Variants in KIFAP3 observed in about 807,000 individuals in gnomAD.
The protein encoded by KIFAP3 is kinesin associated protein 3.
In KIFAP3, 68 loss-of-function variants were observed where a neutral mutation model predicts 106.5. The observed-to-expected ratio is 0.64, with a 90% CI of 0.53 to 0.78. The LOEUF (loss-of-function observed/expected upper bound fraction) is 0.78. Ranked by LOEUF, KIFAP3 falls within the 30% of genes least tolerant of loss-of-function variation. The pLI is 0.00. For synonymous variants in KIFAP3, 320 were observed against 311.5 expected (o/e 1.03, Z -0.29); for missense variants, 780 against 941.8 (o/e 0.83, Z 2.25).
At chr1:170,041,128 T>G (rs545619980) in intron 3 of KIFAP3, among the ~76,000 whole-genome samples, 101 of 152,326 alleles carry the variant, frequency 6.6e-4, no homozygotes, top group African/African-American at 2.4e-3. Flanking sequence ...CAGCCCTTTT[T>G]GCTTGTAAAT....
chr1:170,034,468 G>C lies in KIFAP3; in HGVS notation c.646C>G (p.His216Asp), dbSNP rs1203092409. The C allele has an allele frequency of 1.3e-6, 2 of 1,510,738 alleles. No individual in the cohort carries two copies. The highest frequency in any genetic ancestry group is 1.8e-5 in the Admixed American group (1 of 56,766). The allele number at this position is 1,510,738 out of a possible 1,614,324, so 93.6% of individuals were successfully genotyped here. ...SFSQFHGLIT[H>D]YKIGALCMNI... ...ATACACAGAGCTCCAATTTTATAGT[G>C]AGTAATAAGTCCATGAAATTGAGAA... is the stretch of plus-strand genomic sequence containing the variant. Residue 216 changes from histidine (H) to aspartate (D), a missense_variant, in exon 7 of 20, where the codon CAC (histidine) becomes GAC (aspartate). By Grantham distance (81) the His-to-Asp change is moderately conservative. Coordinates refer to ENST00000361580, the MANE Select transcript of KIFAP3 (RefSeq NM_014970.4).
chr1:169,955,890 T>A (rs1664989582), intron 18 of KIFAP3, among the ~76,000 whole-genome samples: 1 of 151,868 alleles, frequency 6.6e-6, no homozygotes, highest in Non-Finnish European at 1.5e-5. Context: ...TACAAAAAAA[T>A]GAAATCATGG....
chr1:169,937,526 A>C (rs1663871368), intron 19 of KIFAP3, among the ~76,000 whole-genome samples: 1 of 151,868 alleles, frequency 6.6e-6, no homozygotes, highest in African/African-American at 2.4e-5. Flanking sequence ...AACTCTATTC[A>C]TTTTAAGTAT....
rs536115742 is a variant in KIFAP3 at position 170,008,190 on chromosome 1, G to A, written c.1183+8272C>T. Among the ~76,000 whole-genome samples the A allele has an allele frequency of 5.9e-4, 90 of 151,518 alleles. 1 individual carries two copies. The highest frequency in any genetic ancestry group is 1.8e-3 in the African/African-American group (75 of 41,152). ...TCTAGAACAATACCTAGGCAATACCGTTCAGGACATAGACATGGGCAAAGA... is the reference window on the plus strand; with the variant it reads ...TCTAGAACAATACCTAGGCAATACCATTCAGGACATAGACATGGGCAAAGA... On this transcript the variant is annotated intron_variant, in intron 10 of 19. Coordinates refer to ENST00000361580, the MANE Select transcript of KIFAP3 (RefSeq NM_014970.4).
chr1:170,007,338 A>C (rs1432013165), intron 10 of KIFAP3, among the ~76,000 whole-genome samples: 1 of 151,958 alleles, frequency 6.6e-6, no homozygotes, highest in Non-Finnish European at 1.5e-5. Flanking sequence ...ATAGGGAAAG[A>C]GAAACAGAAA....
chr1:169,923,000 T>C (rs1363406436), intron 19 of KIFAP3: 1 of 587,472 alleles, frequency 1.7e-6, no homozygotes, highest in Non-Finnish European at 2.1e-6. Flanking sequence ...TGTGCACGCG[T>C]GCTTGTGTGT....
At chr1:169,939,509 G>C (rs1359682099) in intron 19 of KIFAP3, among the ~76,000 whole-genome samples, 1 of 152,226 alleles carries the variant, frequency 6.6e-6, no homozygotes, top group Admixed American at 6.5e-5. Flanking sequence ...GGATGGTGCT[G>C]AGAGGACAAG....
At chr1:170,024,254 T>C in intron 9 of KIFAP3, 164 bp downstream of exon 9, 1 of 470,378 alleles carries the variant, frequency 2.1e-6, no homozygotes, top group Non-Finnish European at 3.7e-6. Flanking sequence ...TTAACTAATA[T>C]GGAATACATT....
At chr1:170,026,456 A>G (rs776055888) in intron 8 of KIFAP3, among the ~76,000 whole-genome samples, 1 of 152,222 alleles carries the variant, frequency 6.6e-6, no homozygotes, top group Admixed American at 6.5e-5. Context: ...AGATAGTCCT[A>G]TGTTTGCCCT....
intron 10 of KIFAP3, among the ~76,000 whole-genome samples, chr1:170,006,669 G>A (rs1245898648): frequency 1.3e-5 from 2 of 152,152 alleles, no homozygotes; most frequent in Non-Finnish European, 2.9e-5. Flanking sequence ...ACTAAAAGAT[G>A]AAGTTACCAT....
chr1:170,049,493 T>C (rs554444733), intron 2 of KIFAP3, among the ~76,000 whole-genome samples: 11 of 152,272 alleles, frequency 7.2e-5, no homozygotes, highest in Admixed American at 3.3e-4. Context: ...TGCTAAGGGA[T>C]AGACTGCCTC....
At chr1:169,995,769 G>A (rs1183428372) in intron 10 of KIFAP3, among the ~76,000 whole-genome samples, 1 of 151,914 alleles carries the variant, frequency 6.6e-6, no homozygotes, top group Non-Finnish European at 1.5e-5. Flanking sequence ...TGAGAGGAAG[G>A]AAAGACTCAC....
intron 4 of KIFAP3, 52 bp downstream of exon 4, chr1:170,039,181 G>A (rs1669842124): frequency 1.9e-6 from 2 of 1,049,250 alleles, no homozygotes; most frequent in Admixed American, 2.1e-5. Context: ...ATGGAAAAAG[G>A]CAATATCTTA....
intron 16 of KIFAP3, 111 bp from the exon 17 acceptor site, chr1:169,972,709 C>T (rs1665982829): frequency 1.9e-6 from 1 of 515,942 alleles, no homozygotes; most frequent in African/African-American, 2.0e-5. Context: ...AAATATAACC[C>T]AAATTTTAAA....
At chr1:169,983,247 T>A in intron 13 of KIFAP3, 23 bp downstream of exon 13, 1 of 1,414,496 alleles carries the variant, frequency 7.1e-7, no homozygotes, top group Non-Finnish European at 9.9e-7. Context: ...TCTATTTGAA[T>A]AGAAAGCCAA....
intron 1 of KIFAP3, among the ~76,000 whole-genome samples, chr1:170,071,993 A>G (rs1277388611): frequency 6.6e-6 from 1 of 152,230 alleles, no homozygotes; most frequent in East Asian, 1.9e-4. Context: ...TAAAGTCTGT[A>G]TTACTTGCTA....
rs1669790079 is a variant in KIFAP3 at position 170,038,345 on chromosome 1, A to G, written c.462T>C (p.Ala154=). The G allele has an allele frequency of 3.7e-6, 6 of 1,610,460 alleles. No individual in the cohort carries two copies. The highest frequency in any genetic ancestry group is 5.1e-6 in the Non-Finnish European group (6 of 1,179,450). Residue 154 remains alanine, a synonymous_variant, in exon 5 of 20, where the codon GCT becomes GCC. Transcript: ENST00000361580. ...EDIPDKVRGS[A]LILQLARNPD... ...GATTTCGAGCAAGCTGCAGGATCAA[A>G]GCAGAACCCCGAACTTTGTCAGGAA...
At chr1:170,015,112 C>A (rs1324051641) in intron 10 of KIFAP3, among the ~76,000 whole-genome samples, 1 of 152,122 alleles carries the variant, frequency 6.6e-6, no homozygotes, top group African/African-American at 2.4e-5. Flanking sequence ...CACTTGTTAA[C>A]AAATTATGAA....
At chr1:170,048,176 G>T (rs561120410) in intron 2 of KIFAP3, among the ~76,000 whole-genome samples, 1 of 152,124 alleles carries the variant, frequency 6.6e-6, no homozygotes, top group Admixed American at 6.5e-5. Context: ...TTCTCCTGGG[G>T]TTCTACAAGC....
Sources: allele counts gnomAD v4.1 joint callset (sites outside exome capture counted in the v4.1 genomes callset), GRCh38; gene constraint gnomAD v4.1.1; transcripts MANE v1.5; gene names NCBI Gene and HGNC (gene_info 2026-07-23, HGNC 2026-07-21).